Variants in RMST observed in about 807,000 individuals in gnomAD.
RMST encodes the protein rhabdomyosarcoma 2 associated transcript.
At chr12:97,480,145 C>T (rs1206830025) in intron 5 of RMST, among the ~76,000 whole-genome samples, 1 of 146,270 alleles carries the variant, frequency 6.8e-6, no homozygotes, top group African/African-American at 2.6e-5. Context: ...GGTTAGAGTG[C>T]AGTGGCCTGA....
intron 5 of RMST, among the ~76,000 whole-genome samples, chr12:97,468,324 T>C (rs1309371816): frequency 6.6e-6 from 1 of 152,068 alleles, no homozygotes; most frequent in African/African-American, 2.4e-5. Context: ...ATTTGCTTAA[T>C]GGTGTTTATA....
intron 11 of RMST, among the ~76,000 whole-genome samples, chr12:97,555,019 C>T (rs906744391): frequency 6.6e-6 from 1 of 152,100 alleles, no homozygotes; most frequent in African/African-American, 2.4e-5. Context: ...GTCTCTACAG[C>T]ATATGGCATT....
chr12:97,466,329 G>C (rs1262731802), intron 5 of RMST, among the ~76,000 whole-genome samples: 1 of 152,050 alleles, frequency 6.6e-6, no homozygotes, highest in Non-Finnish European at 1.5e-5. Context: ...ATTAACTCTG[G>C]GGTTTTACAG....
intron 13 of RMST, chr12:97,563,667 T>G: frequency 2.4e-6 from 1 of 408,666 alleles, no homozygotes; most frequent in Non-Finnish European, 4.8e-6. Flanking sequence ...GGATAAAATC[T>G]TGTTAATTCG....
intron 13 of RMST, among the ~76,000 whole-genome samples, chr12:97,562,963 C>T (rs1264179494): frequency 3.9e-5 from 6 of 152,114 alleles, no homozygotes; most frequent in Non-Finnish European, 2.9e-5. Flanking sequence ...AATGCTGTTT[C>T]GGGAGTTGGT....
At chr12:97,487,156 T>A (rs1448708086) in intron 5 of RMST, among the ~76,000 whole-genome samples, 1 of 152,224 alleles carries the variant, frequency 6.6e-6, no homozygotes, top group African/African-American at 2.4e-5. Context: ...TGAGAGCATC[T>A]GAAGTGTTGT....
At chr12:97,488,265 C>G (rs1417590361) in intron 5 of RMST, among the ~76,000 whole-genome samples, 1 of 152,112 alleles carries the variant, frequency 6.6e-6, no homozygotes, top group African/African-American at 2.4e-5. Context: ...GTGATCCCAG[C>G]TACTCAGAAG....
At chr12:97,542,694 C>T (rs962633668) in intron 11 of RMST, among the ~76,000 whole-genome samples, 2 of 151,898 alleles carry the variant, frequency 1.3e-5, no homozygotes, top group Non-Finnish European at 2.9e-5. Flanking sequence ...ATGAACTACA[C>T]GGCCCTAATT....
At chr12:97,561,780 G>A (rs1306310662) in intron 13 of RMST, among the ~76,000 whole-genome samples, 1 of 151,528 alleles carries the variant, frequency 6.6e-6, no homozygotes, top group African/African-American at 2.4e-5. Flanking sequence ...TAAAGATCAG[G>A]TCCAGGAAAT....
intron 5 of RMST, among the ~76,000 whole-genome samples, chr12:97,476,937 A>G (rs17027020): frequency 0.054 from 8,271 of 152,246 alleles, 378 homozygotes; most frequent in East Asian, 0.099. Flanking sequence ...AGAAATTGCA[A>G]CTAAGGGATA....
intron 10 of RMST, among the ~76,000 whole-genome samples, chr12:97,517,427 G>A (rs377278384): frequency 2.6e-5 from 4 of 151,738 alleles, no homozygotes; most frequent in East Asian, 3.9e-4. Context: ...AATCAAAAGG[G>A]GAAAGCCCTA....
intron 10 of RMST, among the ~76,000 whole-genome samples, chr12:97,504,470 C>T (rs1409150139): frequency 6.8e-6 from 1 of 148,116 alleles, no homozygotes; most frequent in Non-Finnish European, 1.5e-5. Context: ...TAATCTAAAT[C>T]TTAAATACTA....
chr12:97,500,063 G>A (rs1877916727), intron 10 of RMST, among the ~76,000 whole-genome samples: 1 of 152,132 alleles, frequency 6.6e-6, no homozygotes, highest in South Asian at 2.1e-4. Context: ...GGAGAGATAG[G>A]ATGATCTATC....
At chr12:97,543,783 A>C (rs1206911063) in intron 11 of RMST, among the ~76,000 whole-genome samples, 1 of 152,020 alleles carries the variant, frequency 6.6e-6, no homozygotes, top group Non-Finnish European at 1.5e-5. Context: ...CCAGGATTCA[A>C]ACTCACCGGT....
At chr12:97,469,566 G>A (rs1195037210) in intron 5 of RMST, among the ~76,000 whole-genome samples, 1 of 151,900 alleles carries the variant, frequency 6.6e-6, no homozygotes, top group Non-Finnish European at 1.5e-5. Context: ...TCATCATTAC[G>A]TTTGTTTGTA....
intron 5 of RMST, among the ~76,000 whole-genome samples, chr12:97,471,702 C>T (rs979827806): frequency 1.3e-5 from 2 of 152,158 alleles, no homozygotes; most frequent in African/African-American, 2.4e-5. Flanking sequence ...TGGCATCTCA[C>T]TGCCACCTGG....
At chr12:97,496,620 C>G (rs1279612266) in intron 10 of RMST, among the ~76,000 whole-genome samples, 1 of 152,158 alleles carries the variant, frequency 6.6e-6, no homozygotes, top group Non-Finnish European at 1.5e-5. Flanking sequence ...ATAAAACACA[C>G]TATCATATCA....
chr12:97,467,979 T>C (rs1243119011), intron 5 of RMST, among the ~76,000 whole-genome samples: 2 of 152,040 alleles, frequency 1.3e-5, no homozygotes, highest in Non-Finnish European at 2.9e-5. Context: ...TCAGCTATCT[T>C]GGTTTATTTT....
At chr12:97,499,800 C>T (rs1877885707) in intron 10 of RMST, among the ~76,000 whole-genome samples, 1 of 151,968 alleles carries the variant, frequency 6.6e-6, no homozygotes, top group Middle Eastern at 3.2e-3. Context: ...GCTGGGATTA[C>T]AGGTGTGTGC....
Sources: allele counts gnomAD v4.1 joint callset (sites outside exome capture counted in the v4.1 genomes callset), GRCh38; gene constraint gnomAD v4.1.1; transcripts MANE v1.5; gene names NCBI Gene and HGNC (gene_info 2026-07-23, HGNC 2026-07-21).